The following SMIM24 variants were observed in gnomAD, a reference collection of about 807,000 sequenced individuals.
The protein encoded by SMIM24 is MAP17-related dimer.
In SMIM24, 6 loss-of-function variants were observed where a neutral mutation model predicts 10.8. That is an observed-to-expected ratio of 0.55 (90% CI 0.30 to 1.09). The LOEUF is 1.09. Among genes scored for constraint, SMIM24 ranks in the 50% least tolerant of loss-of-function variants. SMIM24 has a pLI of 0.06. For synonymous variants in SMIM24, 71 were observed against 62.4 expected (o/e 1.14, Z -0.65); for missense variants, 151 against 153.4 (o/e 0.98, Z 0.08).
At chr19:3,477,198 T>C (rs1415932470) in intron 3 of SMIM24, among the ~76,000 whole-genome samples, 1 of 120,176 alleles carries the variant, frequency 8.3e-6, no homozygotes, top group Non-Finnish European at 1.7e-5. Flanking sequence ...GGGTGATGGA[T>C]GGATGAGTGA....
At chr19:3,479,354 G>C (rs1003586716) in intron 1 of SMIM24, among the ~76,000 whole-genome samples, 1 of 150,330 alleles carries the variant, frequency 6.7e-6, no homozygotes, top group Admixed American at 6.6e-5. Flanking sequence ...CTCAGGGGAG[G>C]GGCTTATGAA....
At chr19:3,479,110 G>A in intron 1 of SMIM24, 181 bp from the exon 2 acceptor site, 2 of 524,736 alleles carry the variant, frequency 3.8e-6, no homozygotes, top group East Asian at 6.6e-5. Context: ...TTTAGAGAGG[G>A]GGAGGGTACC....
At chr19:3,477,261 T>G (rs1599750346) in intron 3 of SMIM24, among the ~76,000 whole-genome samples, 5 of 59,308 alleles carry the variant, frequency 8.4e-5, no homozygotes, top group Admixed American at 2.5e-4. Context: ...GGTTGGGGGA[T>G]GGGTGAGTGG....
chr19:3,478,871 C>T lies in SMIM24; in HGVS notation c.126G>A (p.Leu42=), dbSNP rs1032899811. 1.7e-5 allele frequency: 26 copies of T among 1,549,938 alleles called. No individual in the cohort carries two copies. Among genetic ancestry groups the T allele is most frequent in the Non-Finnish European group, 2.2e-5 (25 of 1,146,774 alleles). ...LVGLAAVVGF[L]FIVYLVLLAN... is the part of the protein sequence containing the mutation. ...CCAGCAAGACCAAATAGACGATGAA[C>T]AGGAAGCCGACTACCGCAGCCAGGC... Residue 42 remains leucine (L), a synonymous_variant, in exon 2 of 4, where the codon CTG becomes CTA. Coordinates refer to ENST00000215531, the MANE Select transcript of SMIM24 (RefSeq NM_001136503.2).
At position 3,478,820 on chromosome 19, in the gene SMIM24, G is replaced by A; in HGVS notation, c.177C>T (p.Ala59=). 1.3e-6 allele frequency: 2 copies of A among 1,548,490 alleles called. No homozygotes were observed. Among genetic ancestry groups the A allele is most frequent in the East Asian group, 2.4e-5 (1 of 40,852 alleles). The stretch of plus-strand genomic sequence containing the variant: ...GCGGGGTGGGGGCGGGCACCCACCT[G>A]GCCTTGGAACACCAGAGGCGGTTGG... ...LLANRLWCSK[A]RAEDEEETTF... Residue 59 remains alanine, a splice_region_variant and synonymous_variant, in exon 2 of 4, where the codon GCC becomes GCT. Transcript: ENST00000215531.
intron 1 of SMIM24, among the ~76,000 whole-genome samples, chr19:3,479,714 TA>T (rs35336303): frequency 0.3 from 19,683 of 65,584 alleles, 2,455 homozygotes; most frequent in South Asian, 0.46. Context: ...GCTTGTGAAC[TA>T]GGGGGCTCAG....
At chr19:3,480,299 C>T in intron 1 of SMIM24, 98 bp downstream of exon 1, 2 of 1,206,634 alleles carry the variant, frequency 1.7e-6, no homozygotes, top group Non-Finnish European at 2.3e-6. Context: ...TTTCTTCCTG[C>T]CCCCTCTCCT....
chr19:3,479,910 G>A (rs2082810643), intron 1 of SMIM24, among the ~76,000 whole-genome samples: 1 of 142,854 alleles, frequency 7.0e-6, no homozygotes, highest in Non-Finnish European at 1.5e-5. Flanking sequence ...TTGTGAACTA[G>A]GGGGCTCAGA....
chr19:3,479,335 G>T (rs1183566088), intron 1 of SMIM24, among the ~76,000 whole-genome samples: 1 of 145,922 alleles, frequency 6.9e-6, no homozygotes, highest in Non-Finnish European at 1.5e-5. Flanking sequence ...GTTTATAAAG[G>T]AGAACAAGCT....
intron 1 of SMIM24, among the ~76,000 whole-genome samples, chr19:3,479,935 T>C (rs1392772504): frequency 3.7e-5 from 4 of 109,412 alleles, no homozygotes; most frequent in Admixed American, 3.5e-4. Flanking sequence ...GAGGGGCTTA[T>C]AGAGGAGGCA....
chr19:3,479,200 T>G, intron 1 of SMIM24: 1 of 373,158 alleles, frequency 2.7e-6, no homozygotes, highest in Non-Finnish European at 4.8e-6. Context: ...GGGACGGAGT[T>G]TACAAATCAG....
chr19:3,480,317 G>A (rs1213335855), intron 1 of SMIM24, 80 bp downstream of exon 1: 66 of 1,306,792 alleles, frequency 5.1e-5, no homozygotes, highest in Non-Finnish European at 6.2e-5. Context: ...CCTTTTTCTC[G>A]CCATGGAAAA....
intron 2 of SMIM24, 40 bp downstream of exon 2, chr19:3,478,778 G>A: frequency 7.0e-7 from 1 of 1,437,748 alleles, no homozygotes; most frequent in South Asian, 1.2e-5. Context: ...GGGGGTGGGG[G>A]CAGGGCTGTG....
At position 3,478,893 on chromosome 19, in the gene SMIM24, AGGCC is replaced by A; in HGVS notation, c.100_103del (p.Gly34TrpfsTer4). ...GAACAGGAAGCCGACTACCGCAGCC[AGGCC>A]CACCAGCCACGGCTTCAGGCGATGC... On this transcript the variant is annotated frameshift_variant, in exon 2 of 4. Transcript: ENST00000215531. LOFTEE classifies it high-confidence loss of function. The A allele has an allele frequency of 6.5e-7, 1 of 1,550,006 alleles. No individual in the cohort carries two copies. Among genetic ancestry groups the A allele is most frequent in the Non-Finnish European group, 8.7e-7 (1 of 1,146,780 alleles).
rs972260229 is a variant in SMIM24, at chr19:3,479,017, G to A, written c.68-88C>T. 15 of 1,027,402 alleles carry A rather than the reference G, an allele frequency of 1.5e-5. No homozygotes were observed. In the African/African-American group the frequency reaches 2.3e-4, roughly 15 times the overall value. The allele number at this position is 1,027,402 out of a possible 1,614,324, so 63.6% of individuals were successfully genotyped here. ...CCACCCTAGCAAGGAGAGAGAGAAGGTCACTGGGGGTGCTCCGACAGAGGG... is the reference window on the plus strand; with the variant it reads ...CCACCCTAGCAAGGAGAGAGAGAAGATCACTGGGGGTGCTCCGACAGAGGG... On this transcript the variant is annotated intron_variant, in intron 1 of 3. Transcript: ENST00000215531.
rs978094309 is a variant in SMIM24 at position 3,478,405 on chromosome 19, C to T, written c.239+14G>A. The T allele has an allele frequency of 8.4e-6, 13 of 1,546,678 alleles. No individual in the cohort carries two copies. Among genetic ancestry groups the T allele is most frequent in the Admixed American group, 4.0e-5 (2 of 50,238 alleles). On this transcript the variant is annotated intron_variant, in intron 3 of 3. Coordinates refer to ENST00000215531, the MANE Select transcript of SMIM24 (RefSeq NM_001136503.2). ...GGGGTTCACACAGACCCCCAGCATC[C>T]GCACGCATAGTACCTCTGGTCCTGG...
At chr19:3,478,188 T>G (rs1471513368) in intron 3 of SMIM24, among the ~76,000 whole-genome samples, 1 of 152,076 alleles carries the variant, frequency 6.6e-6, no homozygotes, top group African/African-American at 2.4e-5. Flanking sequence ...GTGATAAGCA[T>G]GAATCAGACT....
intron 3 of SMIM24, among the ~76,000 whole-genome samples, chr19:3,477,538 GGTAGA>G: frequency 6.7e-6 from 1 of 149,136 alleles, no homozygotes; most frequent in East Asian, 2.0e-4. Flanking sequence ...TGGGTGAGTG[GGTAGA>G]TGGGTGAGTG....
At chr19:3,476,319 T>A (rs2082791969) in intron 3 of SMIM24, among the ~76,000 whole-genome samples, 2 of 151,834 alleles carry the variant, frequency 1.3e-5, no homozygotes, top group South Asian at 4.2e-4. Flanking sequence ...GAGTGAAGAC[T>A]GCATAGTTCG....
Sources: gnomAD v4.1 joint callset for allele counts (sites outside exome capture counted in the v4.1 genomes callset) on GRCh38, gnomAD v4.1.1 for gene constraint, MANE v1.5 for transcripts, NCBI Gene and HGNC (gene_info 2026-07-23, HGNC 2026-07-21) for gene names.